Variants in SPATA17 observed in about 807,000 individuals in gnomAD.
SPATA17 encodes spermatogenesis-associated protein 17.
Under a neutral mutation model 62.2 loss-of-function variants are expected in SPATA17, and 53 were observed. That is an observed-to-expected ratio of 0.85 (90% CI 0.68 to 1.07). The LOEUF (loss-of-function observed/expected upper bound fraction) is 1.07. SPATA17 is among the 50% of genes least tolerant of loss of function. The pLI, the probability that SPATA17 is intolerant of heterozygous loss-of-function variation, is 0.00. For missense variants in SPATA17, 466 were observed against 425.5 expected, an observed-to-expected ratio of 1.10 and a Z score of -0.84; for synonymous variants, 146 against 146.8, an observed-to-expected ratio of 0.99 and a Z score of 0.04.
intron 8 of SPATA17, among the ~76,000 whole-genome samples, chr1:217,788,514 C>T (rs10746371): frequency 0.28 from 42,587 of 151,798 alleles, 6,405 homozygotes; most frequent in East Asian, 0.52. Flanking sequence ...TATCAGAGTG[C>T]GGCCAGTTTT....
intron 9 of SPATA17, among the ~76,000 whole-genome samples, chr1:217,812,843 A>G (rs1426413361): frequency 6.6e-6 from 1 of 152,200 alleles, no homozygotes; most frequent in Non-Finnish European, 1.5e-5. Flanking sequence ...ATGAGTTTCC[A>G]TAGGCATTTT....
Position 217,749,985 on chromosome 1 carries a change from C to CTCTCTATA in SPATA17, c.519+7888_519+7889insCTCTATAT. ...TCTCTCTCTCTCTCTCTCTCTCTCT[C>CTCTCTATA]TATATATATATATATATATATATAT... On this transcript the variant is annotated intron_variant, in intron 6 of 10. Coordinates refer to ENST00000366933, the MANE Select transcript of SPATA17 (RefSeq NM_138796.4). Among the ~76,000 whole-genome samples, 14 of 12,314 alleles carry CTCTCTATA rather than the reference C, an allele frequency of 1.1e-3. 1 individual carries two copies. The highest frequency in any genetic ancestry group is 4.6e-3 in the East Asian group (2 of 436). The allele number at this position is 12,314 out of a possible 152,430, so 8.1% of individuals were successfully genotyped here. A position where few individuals can be genotyped will look rare whatever the true frequency, so the allele number is the denominator to read the frequency against.
At chr1:217,762,714 G>A (rs1054906271) in intron 6 of SPATA17, among the ~76,000 whole-genome samples, 3 of 152,258 alleles carry the variant, frequency 2.0e-5, no homozygotes, top group East Asian at 3.9e-4. Context: ...GCTCTCGCCC[G>A]TAATCCCAAC....
At chr1:217,652,763 C>A (rs891602580) in intron 3 of SPATA17, among the ~76,000 whole-genome samples, 1 of 152,116 alleles carries the variant, frequency 6.6e-6, no homozygotes, top group Non-Finnish European at 1.5e-5. Flanking sequence ...TTCTACCTAC[C>A]TTTTGACTCT....
At chr1:217,797,675 A>G (rs1297180881) in intron 8 of SPATA17, among the ~76,000 whole-genome samples, 1 of 152,174 alleles carries the variant, frequency 6.6e-6, no homozygotes, top group Non-Finnish European at 1.5e-5. Flanking sequence ...AATTAAATCA[A>G]TGTCATTTAC....
At chr1:217,757,045 G>A (rs1324598899) in intron 6 of SPATA17, among the ~76,000 whole-genome samples, 1 of 152,046 alleles carries the variant, frequency 6.6e-6, no homozygotes. Flanking sequence ...ATGATAAAAC[G>A]GAAGATTCAT....
At chr1:217,823,168 C>A (rs1365417490) in intron 9 of SPATA17, among the ~76,000 whole-genome samples, 1 of 151,822 alleles carries the variant, frequency 6.6e-6, no homozygotes, top group Non-Finnish European at 1.5e-5. Context: ...TTGTGACACT[C>A]CCCACCTAGG....
chr1:217,748,135 CTACAAAAAA>C (rs1228872893), intron 6 of SPATA17, among the ~76,000 whole-genome samples: 1 of 151,824 alleles, frequency 6.6e-6, no homozygotes, highest in Non-Finnish European at 1.5e-5. Flanking sequence ...AACCCCGTCT[CTACAAAAAA>C]TACAAAAAAT....
intron 6 of SPATA17, among the ~76,000 whole-genome samples, chr1:217,755,953 A>C (rs530247430): frequency 6.6e-6 from 1 of 152,020 alleles, no homozygotes; most frequent in Admixed American, 6.6e-5. Flanking sequence ...AGGCAGAATT[A>C]TTCCCTTTTC....
At chr1:217,795,291 C>T (rs1014607641) in intron 8 of SPATA17, among the ~76,000 whole-genome samples, 2 of 150,680 alleles carry the variant, frequency 1.3e-5, no homozygotes, top group Admixed American at 1.3e-4. Flanking sequence ...ACAAATATTG[C>T]ATGCTGACTA....
At chr1:217,781,444 G>A (rs954822787) in intron 7 of SPATA17, among the ~76,000 whole-genome samples, 8 of 152,090 alleles carry the variant, frequency 5.3e-5, no homozygotes, top group Non-Finnish European at 1.0e-4. Context: ...TGCCTAATAC[G>A]ATACTAATTA....
intron 1 of SPATA17, among the ~76,000 whole-genome samples, chr1:217,633,147 G>A (rs1268945427): frequency 2.0e-5 from 3 of 152,040 alleles, no homozygotes; most frequent in African/African-American, 4.8e-5. Context: ...GTAGTGAGCC[G>A]AGATCGCAAT....
intron 10 of SPATA17, among the ~76,000 whole-genome samples, chr1:217,865,795 T>A (rs1208280007): frequency 6.6e-6 from 1 of 152,202 alleles, no homozygotes; most frequent in Non-Finnish European, 1.5e-5. Flanking sequence ...ATTACAGGCT[T>A]CCCAACTTCC....
Position 217,702,969 on chromosome 1 carries a change from C to T in SPATA17, c.395+19608C>T, listed in dbSNP as rs6693786. Among the ~76,000 whole-genome samples the T allele has an allele frequency of 2.4e-3, 369 of 151,238 alleles. 1 individual carries two copies. The highest frequency in any genetic ancestry group is 8.3e-3 in the African/African-American group (342 of 41,174). ...TCGGCTCACTACAACTTCCATCTCC[C>T]GTGTTCAAGTGATTCTTCTGCCTCA... is the stretch of plus-strand genomic sequence containing the variant. On this transcript the variant is annotated intron_variant, in intron 5 of 10. Transcript: ENST00000366933.
At chr1:217,785,815 T>C (rs903298369) in intron 8 of SPATA17, among the ~76,000 whole-genome samples, 5 of 152,104 alleles carry the variant, frequency 3.3e-5, no homozygotes, top group Admixed American at 3.3e-4. Context: ...ATATCTTCTT[T>C]AAAATAAACA....
chr1:217,656,561 T>A (rs967997801), intron 3 of SPATA17, among the ~76,000 whole-genome samples: 1 of 151,782 alleles, frequency 6.6e-6, no homozygotes, highest in Admixed American at 6.6e-5. Flanking sequence ...TATGTATGTA[T>A]GTATGTATGT....
rs1676110570 is a variant in SPATA17 at position 217,870,600 on chromosome 1, A to G, written c.*3581A>G. On this transcript the variant is annotated 3_prime_UTR_variant, in exon 11 of 11. Coordinates refer to ENST00000366933, the MANE Select transcript of SPATA17 (RefSeq NM_138796.4). ...TGAGCCACTTAAGAAAATTAATGAG[A>G]CTTTATGTTTGACCAAAGCTGGTAA... The G allele has an allele frequency of 6.6e-6, 1 of 152,122 alleles. No individual in the cohort carries two copies. The highest frequency in any genetic ancestry group is 2.4e-5 in the African/African-American group (1 of 41,442). 9.4% of individuals were successfully genotyped at this position (152,122 alleles called of 1,614,324 possible).
At chr1:217,854,286 C>T (rs1558077670) in intron 9 of SPATA17, among the ~76,000 whole-genome samples, 2 of 152,002 alleles carry the variant, frequency 1.3e-5, no homozygotes, top group Admixed American at 6.6e-5. Context: ...AAAAACACTG[C>T]GAATATTGAT....
chr1:217,848,578 G>A (rs1264243157), intron 9 of SPATA17, among the ~76,000 whole-genome samples: 1 of 151,836 alleles, frequency 6.6e-6, no homozygotes, highest in Admixed American at 6.6e-5. Flanking sequence ...ATCTCTTGTC[G>A]AAGTTTCTCC....
Sources: gnomAD v4.1 joint callset for allele counts (sites outside exome capture counted in the v4.1 genomes callset) on GRCh38, gnomAD v4.1.1 for gene constraint, MANE v1.5 for transcripts, NCBI Gene and HGNC (gene_info 2026-07-23, HGNC 2026-07-21) for gene names.